The following LILRB2 variants were observed in gnomAD, a reference collection of about 807,000 sequenced individuals.
LILRB2 encodes the protein leukocyte immunoglobulin-like receptor subfamily B member 2.
A neutral mutation model predicts 72.7 loss-of-function variants in LILRB2; 47 were observed. The observed-to-expected ratio is 0.65, with a 90% confidence interval of 0.51 to 0.82. The LOEUF (loss-of-function observed/expected upper bound fraction) is 0.82, where lower values mean the gene tolerates loss of function less well. Among genes scored for constraint, LILRB2 ranks in the 40% least tolerant of loss-of-function variants. The pLI, the probability that LILRB2 is intolerant of heterozygous loss-of-function variation, is 0.00. For missense variants in LILRB2, 767 were observed against 764.8 expected (o/e 1.00, Z -0.03); for synonymous variants, 279 against 313.7 (o/e 0.89, Z 1.17).
rs202223934 is a variant in LILRB2 at position 54,278,472 on chromosome 19, C to A, written c.1046G>T (p.Arg349Leu). 7 of 1,614,164 alleles carry A rather than the reference C, an allele frequency of 4.3e-6. No individual in the cohort carries two copies. Among genetic ancestry groups the A allele is most frequent in the Non-Finnish European group, 8.5e-7 (1 of 1,180,008 alleles). ...ENVTLLCQSW[R>L]QFHTFLLTKA... ...GGTCAGAAGGAAAGTGTGGAACTGC[C>A]GCCATGACTGACACAGCAGGGTCAC... Residue 349 changes from arginine to leucine, a missense_variant, in exon 7 of 14, where the codon CGG (arginine) becomes CTG (leucine). Around this residue, in one of 3 missense-constraint regions of LILRB2, gnomAD observed 599 missense variants for 568.2 expected, o/e 1.05. Transcript: ENST00000314446.
intron 12 of LILRB2, 111 bp downstream of exon 12, chr19:54,276,153 A>G: frequency 6.4e-7 from 1 of 1,574,116 alleles, no homozygotes; most frequent in East Asian, 2.2e-5. Flanking sequence ...GGGTGAGATG[A>G]TCTCACCCTG....
chr19:54,280,149 C>G (rs532838650), intron 3 of LILRB2, 74 bp from the exon 4 acceptor site: 32 of 1,608,728 alleles, frequency 2.0e-5, no homozygotes, highest in Middle Eastern at 3.4e-4. Flanking sequence ...CCAGGACCCT[C>G]CAGATGCCCC....
chr19:54,278,781 G>T (rs1490345620), intron 6 of LILRB2, 31 bp downstream of exon 6: 6 of 1,609,876 alleles, frequency 3.7e-6, no homozygotes, highest in East Asian at 2.2e-5. Context: ...GCAGAGTCTG[G>T]GTCCCTGACT....
rs1478144892 is a variant in LILRB2, at chr19:54,280,268, C to T, written c.66G>A (p.Gln22=). Residue 22 remains glutamine (Q), a synonymous_variant, in exon 3 of 14, where the codon CAG becomes CAA. Transcript: ENST00000314446. The part of the protein sequence containing the change: ...GLSLGPRTRV[Q]TGTIPKPTLW... ...GAGAGCTGGGGACAGACTCACCTGT[C>T]TGCACGCGGGTCCTGGGGCCCAGAC... The T allele has an allele frequency of 1.4e-5, 22 of 1,614,034 alleles. No individual in the cohort carries two copies. Among genetic ancestry groups the T allele is most frequent in the Non-Finnish European group, 1.9e-5 (22 of 1,179,994 alleles).
intron 10 of LILRB2, 163 bp downstream of exon 10, chr19:54,276,644 A>G: frequency 6.9e-7 from 1 of 1,444,560 alleles, no homozygotes; most frequent in Non-Finnish European, 9.4e-7. Flanking sequence ...AGGACACTTT[A>G]TATTTGTAGA....
In LILRB2 at chr19:54,280,769, C is replaced by T. The variant is rs193014175; in HGVS notation, c.-49+192G>A. 5.7e-4 allele frequency: 443 copies of T among 778,062 alleles called. 2 individuals carry two copies. Among genetic ancestry groups the T allele is most frequent in the Middle Eastern group, 1.8e-3 (8 of 4,378 alleles). The allele number at this position is 778,062 out of a possible 1,614,324, so 48.2% of individuals were successfully genotyped here. A position where few individuals can be genotyped will look rare whatever the true frequency, so the allele number is the denominator to read the frequency against. On this transcript the variant is annotated intron_variant, in intron 1 of 13. Coordinates refer to ENST00000314446, the MANE Select transcript of LILRB2 (RefSeq NM_001080978.4). ...ACTGTAATGGGGTCTTTCCTGACCCCCAGCCACTGTCTGTCTGGTTTCTCC... is the reference window on the plus strand; with the variant it reads ...ACTGTAATGGGGTCTTTCCTGACCCTCAGCCACTGTCTGTCTGGTTTCTCC...
In LILRB2 at chr19:54,274,658, G is replaced by A; in HGVS notation, c.*25C>T. On this transcript the variant is annotated 3_prime_UTR_variant, in exon 14 of 14. Transcript: ENST00000314446. ...GCAGTCCTGAGTCTCCTTCTACTGA[G>A]TGTGGAGTCTGCGTACCCTCCGGGC... The A allele has an allele frequency of 6.2e-7, 1 of 1,614,056 alleles. No homozygotes were observed. The highest frequency in any genetic ancestry group is 8.5e-7 in the Non-Finnish European group (1 of 1,180,016).
At position 54,278,868 on chromosome 19, in the gene LILRB2, T is replaced by G; in HGVS notation, c.899A>C (p.His300Pro). The G allele has an allele frequency of 6.2e-7, 1 of 1,613,926 alleles. No homozygotes were observed. Among genetic ancestry groups the G allele is most frequent in the South Asian group, 1.1e-5 (1 of 91,076 alleles). Residue 300 changes from histidine (H) to proline (P), a missense_variant, in exon 6 of 14, where the codon CAC becomes CCC. His to Pro is a moderately conservative substitution (Grantham distance 77, BLOSUM62 -2). Coordinates refer to ENST00000314446, the MANE Select transcript of LILRB2 (RefSeq NM_001080978.4). ...YGGQYRCYGA[H>P]NLSSECSAPS... ...GGCCGAGCACTCAGAGGAGAGGTTG[T>G]GTGCACCGTAGCATCTGTACTGGCC... is the stretch of plus-strand genomic sequence containing the variant.
chr19:54,279,838 C>A lies in LILRB2; in HGVS notation c.308G>T (p.Arg103Leu), dbSNP rs73055442. The part of the protein sequence containing the change: ...TGRYGCQYYS[R>L]ARWSELSDPL... ...GTCACTGAGCTCAGACCACCGAGCG[C>A]GGCTGTAATACTGACAGCCATATCG... Residue 103 changes from arginine to leucine, a missense_variant, in exon 4 of 14, where the codon CGC becomes CTC. This residue lies in a region of LILRB2 where 599 missense variants were observed against 568.2 expected (regional missense o/e 1.05). Coordinates refer to ENST00000314446, the MANE Select transcript of LILRB2 (RefSeq NM_001080978.4). 10 of 1,613,960 alleles carry A rather than the reference C, an allele frequency of 6.2e-6. No homozygotes were observed. The highest frequency in any genetic ancestry group is 8.5e-6 in the Non-Finnish European group (10 of 1,179,990).
chr19:54,278,864 G>A lies in LILRB2; in HGVS notation c.903C>T (p.Asn301=), dbSNP rs1340757320. Residue 301 remains asparagine (N), a synonymous_variant, in exon 6 of 14, where the codon AAC becomes AAT. Coordinates refer to ENST00000314446, the MANE Select transcript of LILRB2 (RefSeq NM_001080978.4). ...TGGGGGCCGAGCACTCAGAGGAGAG[G>A]TTGTGTGCACCGTAGCATCTGTACT... is the stretch of plus-strand genomic sequence containing the variant. ...GGQYRCYGAH[N]LSSECSAPSD... is the part of the protein sequence containing the mutation. 1 of 1,613,836 alleles carries A rather than the reference G, an allele frequency of 6.2e-7. No individual in the cohort carries two copies. The highest frequency in any genetic ancestry group is 8.5e-7 in the Non-Finnish European group (1 of 1,179,844).
At position 54,275,658 on chromosome 19, in the gene LILRB2, A is replaced by G. The variant is rs868653736; in HGVS notation, c.1647+293T>C. ...TGGTTGAATGAATGAAGGGGAGCCC[A>G]GGGGACCGGGGTGGTTCATTTATTC... is the stretch of plus-strand genomic sequence containing the variant. On this transcript the variant is annotated intron_variant, in intron 13 of 13. Transcript: ENST00000314446. 6.5e-4 allele frequency: 368 copies of G among 567,022 alleles called. 2 individuals carry two copies. The highest frequency in any genetic ancestry group is 2.4e-3 in the East Asian group (58 of 24,112). The allele number at this position is 567,022 out of a possible 1,614,324, so 35.1% of individuals were successfully genotyped here.
At position 54,275,983 on chromosome 19, in the gene LILRB2, G is replaced by C. The variant is rs1466647504; in HGVS notation, c.1615C>G (p.Gln539Glu). The C allele has an allele frequency of 1.2e-6, 2 of 1,614,176 alleles. No individual in the cohort carries two copies. Among genetic ancestry groups the C allele is most frequent in the South Asian group, 2.2e-5 (2 of 91,090 alleles). ...ENLYAAVKDT[Q>E]PEDGVEMDTR... ...TCCATCTCCACCCCATCTTCAGGCT[G>C]TGTGTCCTTCACGGCAGCATCTGCT... The change falls in exon 13 of 14, where the codon CAG becomes GAG. Residue 539 changes from glutamine to glutamate, a missense_variant. Gln to Glu is a conservative substitution (Grantham distance 29, BLOSUM62 2). Coordinates refer to ENST00000314446, the MANE Select transcript of LILRB2 (RefSeq NM_001080978.4).
chr19:54,276,952 A>G, intron 9 of LILRB2, 23 bp from the exon 10 acceptor site: 1 of 1,606,040 alleles, frequency 6.2e-7, no homozygotes, highest in Non-Finnish European at 8.5e-7. Flanking sequence ...GATGTCAGGG[A>G]TGGGGGTGAT....
Position 54,280,162 on chromosome 19 carries a change from T to G in LILRB2, c.71-87A>C, listed in dbSNP as rs569677347. ...GCCCAGGACCCTCCAGATGCCCCCA[T>G]CAGTCAGTCCAGAACTTCTAATCCC... On this transcript the variant is annotated intron_variant, in intron 3 of 13. Transcript: ENST00000314446. The G allele has an allele frequency of 1.0e-4, 163 of 1,609,594 alleles. 2 individuals are homozygous for G. In the South Asian group the frequency reaches 1.4e-3, roughly 14 times the overall value.
At chr19:54,277,116 G>T in intron 9 of LILRB2, 187 bp from the exon 10 acceptor site, 1 of 1,497,362 alleles carries the variant, frequency 6.7e-7, no homozygotes, top group Non-Finnish European at 9.1e-7. Flanking sequence ...CGCCTGCCCC[G>T]GGCCCCCAGC....
intron 9 of LILRB2, 121 bp from the exon 10 acceptor site, chr19:54,277,050 C>G (rs373052198): frequency 0.013 from 19,036 of 1,500,236 alleles, 180 homozygotes; most frequent in African/African-American, 0.02. Flanking sequence ...GTGCAGCACA[C>G]AAACATCCAC....
intron 1 of LILRB2, 169 bp from the exon 2 acceptor site, chr19:54,280,713 G>A (rs1025630495): frequency 9.1e-6 from 8 of 881,616 alleles, no homozygotes; most frequent in Admixed American, 2.7e-5. Flanking sequence ...TGAGGTGGGG[G>A]CAGGCACTGG....
chr19:54,275,817 G>A (rs2080190678), intron 13 of LILRB2, 134 bp downstream of exon 13: 2 of 1,199,456 alleles, frequency 1.7e-6, no homozygotes, highest in Non-Finnish European at 2.5e-6. Flanking sequence ...CAGCAGGCGG[G>A]AGGCAGCGTG....
At position 54,278,909 on chromosome 19, in the gene LILRB2, C is replaced by T; in HGVS notation, c.858G>A (p.Val286=). 6.2e-7 allele frequency: 1 copy of T among 1,614,202 alleles called. No homozygotes were observed. ...LSQANFTLGP[V]SRSYGGQYRC... ...TGTACTGGCCCCCGTAGGAGCGGCT[C>T]ACAGGGCCCAGGGTGAAGTTGGCCT... The change falls in exon 6 of 14, where the codon GTG becomes GTA. Residue 286 remains valine, a synonymous_variant. Transcript: ENST00000314446.
Sources: gnomAD v4.1 joint callset for allele counts on GRCh38, gnomAD v4.1.1 for gene constraint, gnomAD v4.1.1 regional missense constraint, MANE v1.5 for transcripts, NCBI Gene and HGNC (gene_info 2026-07-23, HGNC 2026-07-21) for gene names.